Variants in H2BN1 observed in about 807,000 individuals in gnomAD.
The protein encoded by H2BN1 is H2B.N variant histone 1.
the H2BN1 span, among the ~76,000 whole-genome samples, chr17:32,900,285 A>C: frequency 7.2e-5 from 11 of 152,250 alleles, no homozygotes; most frequent in Non-Finnish European, 1.2e-4. Flanking sequence ...TTTGTATATA[A>C]AATAATTCAA....
the H2BN1 span, among the ~76,000 whole-genome samples, chr17:32,903,326 T>C: frequency 6.6e-6 from 1 of 152,232 alleles, no homozygotes; most frequent in Admixed American, 6.5e-5. Flanking sequence ...CCTGTTTTAT[T>C]ATCTTAGGCA....
At chr17:32,905,144 G>A in the H2BN1 span, among the ~76,000 whole-genome samples, 1 of 152,190 alleles carries the variant, frequency 6.6e-6, no homozygotes, top group Non-Finnish European at 1.5e-5. Flanking sequence ...TGCCGAGAGT[G>A]AGCTCAAACT....
chr17:32,898,768 A>G, the H2BN1 span, among the ~76,000 whole-genome samples: 2 of 152,224 alleles, frequency 1.3e-5, no homozygotes, highest in African/African-American at 4.8e-5. Flanking sequence ...AACAAAAACA[A>G]AAGAACAATA....
At chr17:32,901,872 T>A in the H2BN1 span, among the ~76,000 whole-genome samples, 1 of 152,156 alleles carries the variant, frequency 6.6e-6, no homozygotes, top group Non-Finnish European at 1.5e-5. Flanking sequence ...GTGTTTTTTT[T>A]AACATCAAGC....
At chr17:32,896,406 G>A in the H2BN1 span, among the ~76,000 whole-genome samples, 2,848 of 152,226 alleles carry the variant, frequency 0.019, 83 homozygotes, top group African/African-American at 0.062. Context: ...CGTGGCATAA[G>A]AAATTGGTAG....
At chr17:32,902,700 C>T in the H2BN1 span, among the ~76,000 whole-genome samples, 82 of 152,038 alleles carry the variant, frequency 5.4e-4, 1 homozygote, top group East Asian at 0.014. Flanking sequence ...ATTAGCCAGG[C>T]GTGGTGGTGG....
the H2BN1 span, among the ~76,000 whole-genome samples, chr17:32,899,461 TCAACAAGGTATGAGGC>T: frequency 6.6e-6 from 1 of 152,176 alleles, no homozygotes; most frequent in Non-Finnish European, 1.5e-5. Flanking sequence ...AGGGACTGTG[TCAACAAGGTATGAGGC>T]CAGTTTTCCT....
chr17:32,903,492 A>G, the H2BN1 span, among the ~76,000 whole-genome samples: 1 of 152,316 alleles, frequency 6.6e-6, no homozygotes, highest in Non-Finnish European at 1.5e-5. Context: ...AAAATTATAG[A>G]AATTATAAAG....
At chr17:32,903,029 A>C in the H2BN1 span, among the ~76,000 whole-genome samples, 1 of 152,158 alleles carries the variant, frequency 6.6e-6, no homozygotes, top group East Asian at 1.9e-4. Flanking sequence ...ATATTACTTT[A>C]CCAATAATGT....
chr17:32,899,916 C>T, the H2BN1 span, among the ~76,000 whole-genome samples: 1 of 152,152 alleles, frequency 6.6e-6, no homozygotes, highest in African/African-American at 2.4e-5. Context: ...CATTTTTCTT[C>T]TATTCTGATG....
the H2BN1 span, among the ~76,000 whole-genome samples, chr17:32,900,557 T>C: frequency 2.6e-5 from 4 of 152,016 alleles, no homozygotes; most frequent in African/African-American, 4.8e-5. Context: ...AAACAATAAG[T>C]CCTAATAAAC....
chr17:32,897,208 C>T, the H2BN1 span, among the ~76,000 whole-genome samples: 2 of 152,104 alleles, frequency 1.3e-5, no homozygotes, highest in African/African-American at 4.8e-5. Flanking sequence ...ACTCACAATC[C>T]TGCGGTGGGA....
At chr17:32,905,438 C>A in the H2BN1 span, among the ~76,000 whole-genome samples, 1 of 152,122 alleles carries the variant, frequency 6.6e-6, no homozygotes, top group Non-Finnish European at 1.5e-5. Flanking sequence ...CATCTCTACT[C>A]AGAATCCCTT....
chr17:32,903,124 T>C, the H2BN1 span, among the ~76,000 whole-genome samples: 2 of 151,864 alleles, frequency 1.3e-5, no homozygotes, highest in African/African-American at 4.8e-5. Flanking sequence ...TGATAAAGTA[T>C]TTGATTCAAG....
chr17:32,904,381 T>C, the H2BN1 span, among the ~76,000 whole-genome samples: 14 of 152,148 alleles, frequency 9.2e-5, no homozygotes, highest in African/African-American at 2.9e-4. Flanking sequence ...AACAACTTCC[T>C]AGGAGAGAAA....
the H2BN1 span, among the ~76,000 whole-genome samples, chr17:32,903,501 A>C: frequency 1.3e-5 from 2 of 152,228 alleles, no homozygotes; most frequent in African/African-American, 4.8e-5. Context: ...GAAATTATAA[A>C]GTCCTTTTAA....
At chr17:32,899,662 CATAA>C in the H2BN1 span, among the ~76,000 whole-genome samples, 1 of 152,124 alleles carries the variant, frequency 6.6e-6, no homozygotes, top group Non-Finnish European at 1.5e-5. Context: ...TAAGAATACT[CATAA>C]ATAGTTTGTA....
At chr17:32,897,358 TACACACACACAC>T in the H2BN1 span, among the ~76,000 whole-genome samples, 19 of 123,952 alleles carry the variant, frequency 1.5e-4, no homozygotes, top group South Asian at 6.0e-4. Context: ...CTCTCTGTCT[TACACACACACAC>T]ACACACACAC....
At chr17:32,903,755 A>G in the H2BN1 span, among the ~76,000 whole-genome samples, 1 of 152,338 alleles carries the variant, frequency 6.6e-6, no homozygotes, top group Admixed American at 6.5e-5. Context: ...ACCATATTCC[A>G]TTTTACATAA....
Sources: allele counts gnomAD v4.1 joint callset (sites outside exome capture counted in the v4.1 genomes callset), GRCh38; gene constraint gnomAD v4.1.1; transcripts MANE v1.5; gene names NCBI Gene and HGNC (gene_info 2026-07-23, HGNC 2026-07-21).